The following LAMA5 variants were observed in gnomAD, a reference collection of about 807,000 sequenced individuals.
The protein encoded by LAMA5 is laminin subunit alpha-5.
LAMA5 carries 260 observed loss-of-function variants against 433.4 expected under a neutral mutation model. The observed-to-expected ratio is 0.60, with a 90% CI of 0.54 to 0.66. LAMA5 has a LOEUF of 0.66. Ranked by LOEUF, LAMA5 falls within the 30% of genes least tolerant of loss-of-function variation. The pLI is 0.00. For synonymous variants in LAMA5, 2,620 were observed against 2,226.6 expected (o/e 1.18, Z -4.97); for missense variants, 5,378 against 5,258.5 (o/e 1.02, Z -0.70).
intron 48 of LAMA5, among the ~76,000 whole-genome samples, 180 bp from the exon 49 acceptor site, chr20:62,321,070 G>T (rs532876834): frequency 1.1e-4 from 16 of 151,066 alleles, no homozygotes; most frequent in African/African-American, 3.9e-4. Flanking sequence ...GGTCAGGTAG[G>T]AGTCAGATGG....
At chr20:62,328,486 T>TA in intron 34 of LAMA5, 41 bp from the exon 35 acceptor site, 1 of 1,447,768 alleles carries the variant, frequency 6.9e-7, no homozygotes. Context: ...CTCTTCCCAG[T>TA]CCCGCCCCTC....
rs1251326076 is a variant in LAMA5, at chr20:62,334,560, G to A, written c.2544C>T (p.Cys848=). 9 of 1,548,468 alleles carry A rather than the reference G, an allele frequency of 5.8e-6. No homozygotes were observed. Among genetic ancestry groups the A allele is most frequent in the South Asian group, 2.4e-5 (2 of 84,034 alleles). Residue 848 remains cysteine (C), a synonymous_variant, in exon 21 of 80, where the codon TGC becomes TGT. Transcript: ENST00000252999. ...GQSCEPRTGV[C]RCRPNTQGPT... Reference sequence around the variant, plus strand: ...GGCCCTGGGTGTTGGGGCGGCACCGGCAGACGCCCGTCCTCGGTTCACAGC... The same window carrying A: ...GGCCCTGGGTGTTGGGGCGGCACCGACAGACGCCCGTCCTCGGTTCACAGC...
rs1986840627 is a variant in LAMA5 at position 62,367,241 on chromosome 20, G to A, written c.5C>T (p.Ala2Val). M[A>V]KRLCAGSALC... ...TGCGCTCCCCGCGCAGAGCCGCTTC[G>A]CCATCTTCCCGGCTCCGGGCCGCGT... is the stretch of plus-strand genomic sequence containing the variant. The change falls in exon 1 of 80, where the codon GCG becomes GTG. Residue 2 changes from alanine to valine, a missense_variant. Ala to Val is a moderately conservative substitution (Grantham distance 64). Transcript: ENST00000252999. 1.7e-6 allele frequency: 2 copies of A among 1,183,236 alleles called. No individual in the cohort carries two copies. Among genetic ancestry groups the A allele is most frequent in the Non-Finnish European group, 2.1e-6 (2 of 958,844 alleles). 73.3% of individuals were successfully genotyped at this position (1,183,236 alleles called of 1,614,324 possible).
chr20:62,320,479 T>C (rs1358285994), intron 50 of LAMA5, 80 bp downstream of exon 50: 11 of 1,064,304 alleles, frequency 1.0e-5, no homozygotes, highest in African/African-American at 1.6e-5. Flanking sequence ...TGAAGTAACA[T>C]CTGCTGAATG....
rs556453534 is a variant in LAMA5, at chr20:62,364,678, C to T, written c.298-2126G>A. Among the ~76,000 whole-genome samples, 14 of 152,326 alleles carry T rather than the reference C, an allele frequency of 9.2e-5. No homozygotes were observed. In the East Asian group the frequency reaches 2.7e-3, roughly 29 times the overall value. On this transcript the variant is annotated intron_variant, in intron 1 of 79. Coordinates refer to ENST00000252999, the MANE Select transcript of LAMA5 (RefSeq NM_005560.6). ...CAGTCCCCACCTTCCCAGGCTGGGCCGGCCAGGGATCCCCTGATGCCCACC... is the reference window on the plus strand; with the variant it reads ...CAGTCCCCACCTTCCCAGGCTGGGCTGGCCAGGGATCCCCTGATGCCCACC...
chr20:62,362,766 C>T (rs570974417), intron 1 of LAMA5, among the ~76,000 whole-genome samples: 3 of 152,046 alleles, frequency 2.0e-5, no homozygotes, highest in African/African-American at 7.2e-5. Context: ...CTGCTCACGG[C>T]GCTAAGGACA....
rs1986974195 is a variant in LAMA5 at position 62,316,750 on chromosome 20, C to T, written c.7677G>A (p.Val2559=). ...TWATVVRQGL[V]DRAQQLLANS... is the part of the protein sequence containing the mutation. ...TGGCCAGGAGCTGCTGGGCTCGGTCCACCAGGCCCTGCCGCACCACCGTCT... is the reference window on the plus strand; with the variant it reads ...TGGCCAGGAGCTGCTGGGCTCGGTCTACCAGGCCCTGCCGCACCACCGTCT... Residue 2559 remains valine, a synonymous_variant, in exon 57 of 80, where the codon GTG becomes GTA. Coordinates refer to ENST00000252999, the MANE Select transcript of LAMA5 (RefSeq NM_005560.6). 6.2e-7 allele frequency: 1 copy of T among 1,607,782 alleles called. No homozygotes were observed. The highest frequency in any genetic ancestry group is 8.5e-7 in the Non-Finnish European group (1 of 1,177,298).
chr20:62,358,491 C>T (rs1985573392), intron 2 of LAMA5, among the ~76,000 whole-genome samples: 1 of 152,182 alleles, frequency 6.6e-6, no homozygotes, highest in Non-Finnish European at 1.5e-5. Context: ...GCTGAGTGCC[C>T]AACCAGGCCC....
At chr20:62,318,729 C>G in intron 52 of LAMA5, 79 bp from the exon 53 acceptor site, 2 of 1,573,430 alleles carry the variant, frequency 1.3e-6, no homozygotes, top group Non-Finnish European at 1.7e-6. Flanking sequence ...TGGTGCCCGC[C>G]AGATCCATCT....
intron 6 of LAMA5, among the ~76,000 whole-genome samples, chr20:62,349,295 C>T (rs1029829804): frequency 4.9e-5 from 5 of 102,732 alleles, no homozygotes; most frequent in African/African-American, 6.6e-5. Flanking sequence ...AAAAAAAAAG[C>T]GTGAGTCCTG....
chr20:62,313,831 G>A, intron 62 of LAMA5, 29 bp from the exon 63 acceptor site: 2 of 1,607,678 alleles, frequency 1.2e-6, no homozygotes, highest in Non-Finnish European at 1.7e-6. Context: ...GGTGGCGAGT[G>A]GGCACGGAGA....
At chr20:62,336,318 C>T (rs1425749874) in intron 18 of LAMA5, 22 bp downstream of exon 18, 1 of 1,528,996 alleles carries the variant, frequency 6.5e-7, no homozygotes, top group Non-Finnish European at 8.9e-7. Flanking sequence ...CCCTGTACCC[C>T]AATACTCCAG....
At chr20:62,352,545 C>T (rs1984518243) in intron 3 of LAMA5, among the ~76,000 whole-genome samples, 185 bp from the exon 4 acceptor site, 1 of 152,172 alleles carries the variant, frequency 6.6e-6, no homozygotes, top group Non-Finnish European at 1.5e-5. Flanking sequence ...CTGCCCCCCA[C>T]CGCTCTCCCT....
intron 16 of LAMA5, chr20:62,336,990 C>T: frequency 4.3e-6 from 3 of 693,330 alleles, no homozygotes; most frequent in Non-Finnish European, 7.9e-6. Context: ...ACAGCACCTG[C>T]TCATGGACAT....
rs116253592 is a variant in LAMA5, at chr20:62,311,405, C to T, written c.9938G>A (p.Arg3313Gln). The T allele has an allele frequency of 4.3e-4, 669 of 1,560,514 alleles. 5 individuals carry two copies. The African/African-American group carries it at 7.6e-3, about 18-fold the overall frequency. The change falls in exon 72 of 80, where the codon CGG becomes CAG. Residue 3313 changes from arginine (R) to glutamine (Q), a missense_variant. Physicochemically the swap from Arg to Gln is conservative, Grantham distance 43 (BLOSUM62 1). Coordinates refer to ENST00000252999, the MANE Select transcript of LAMA5 (RefSeq NM_005560.6). Reference sequence around the variant, plus strand: ...GCTCACCCCTGGGGTGCCCACCTTCCGGGCGGTGGCCTGCAGTCCTCTAGG... The same window carrying T: ...GCTCACCCCTGGGGTGCCCACCTTCTGGGCGGTGGCCTGCAGTCCTCTAGG... ...LGPRGLQATA[R>Q]KASRRSRQPA...
intron 25 of LAMA5, 33 bp from the exon 26 acceptor site, chr20:62,333,276 T>A (rs752841037): frequency 3.5e-5 from 56 of 1,579,670 alleles, no homozygotes; most frequent in Non-Finnish European, 4.6e-5. Context: ...CAGCCCCAGG[T>A]CCACCCAGGT....
In LAMA5 at chr20:62,338,697, A is replaced by G. The variant is rs139027532; in HGVS notation, c.1478-89T>C. On this transcript the variant is annotated intron_variant, in intron 11 of 79. Coordinates refer to ENST00000252999, the MANE Select transcript of LAMA5 (RefSeq NM_005560.6). ...GCAAACCTTCCCTCTCCACAAACTCATTTTCTTACACTTTTACACAACACT... is the reference window on the plus strand; with the variant it reads ...GCAAACCTTCCCTCTCCACAAACTCGTTTTCTTACACTTTTACACAACACT... 563 of 1,293,724 alleles carry G rather than the reference A, an allele frequency of 4.4e-4. 5 individuals carry two copies. The East Asian group carries it at 0.012, about 28-fold the overall frequency. The allele number at this position is 1,293,724 out of a possible 1,614,324, so 80.1% of individuals were successfully genotyped here. A position where few individuals can be genotyped will look rare whatever the true frequency, so the allele number is the denominator to read the frequency against.
intron 16 of LAMA5, chr20:62,337,090 A>C (rs955262745): frequency 9.8e-6 from 6 of 612,596 alleles, no homozygotes; most frequent in African/African-American, 9.0e-5. Flanking sequence ...ACGCACGTGA[A>C]GATGCACCCA....
In LAMA5 at chr20:62,328,198, T is replaced by TAA. The variant is rs1220663738; in HGVS notation, c.4652+41_4652+42dup. ...CTCTGGCTAGAGGAAATGCTGTCCT[T>TAA]AAGGCCACCAGGGGCCGCGCTGACG... On this transcript the variant is annotated intron_variant, in intron 35 of 79. Transcript: ENST00000252999. The TAA allele has an allele frequency of 1.9e-6, 3 of 1,546,240 alleles. No individual in the cohort carries two copies. In the Admixed American group the frequency reaches 5.8e-5, roughly 30 times the overall value.
Sources: gnomAD v4.1 joint callset for allele counts (sites outside exome capture counted in the v4.1 genomes callset) on GRCh38, gnomAD v4.1.1 for gene constraint, MANE v1.5 for transcripts, NCBI Gene and HGNC (gene_info 2026-07-23, HGNC 2026-07-21) for gene names.